The following FHIT variants were observed in gnomAD, a reference collection of about 807,000 sequenced individuals.
FHIT encodes fragile histidine triad diadenosine triphosphatase, also known as bis(5'-adenosyl)-triphosphatase.
In FHIT, 19 loss-of-function variants were observed where a neutral mutation model predicts 17.9. That is an observed-to-expected ratio of 1.06 (90% CI 0.74 to 1.56). The LOEUF (loss-of-function observed/expected upper bound fraction) is 1.56. Among genes scored for constraint, FHIT ranks in the 40% most tolerant of loss-of-function variants. The pLI, the probability that FHIT is intolerant of heterozygous loss-of-function variation, is 0.00. For synonymous variants in FHIT, 81 were observed against 69.7 expected (o/e 1.16, Z -0.81); for missense variants, 248 against 189.2 (o/e 1.31, Z -1.82).
At chr3:60,613,406 G>C (rs1300485288) in intron 4 of FHIT, among the ~76,000 whole-genome samples, 3 of 152,160 alleles carry the variant, frequency 2.0e-5, no homozygotes, top group African/African-American at 7.2e-5. Flanking sequence ...GAGTAAGGTA[G>C]ACAAAAGGAT....
chr3:59,963,289 A>AATG (rs1379377485), intron 7 of FHIT, among the ~76,000 whole-genome samples: 1 of 149,164 alleles, frequency 6.7e-6, no homozygotes, highest in African/African-American at 2.4e-5. Context: ...TAATAATAAT[A>AATG]ATAAAAGAAA....
intron 5 of FHIT, among the ~76,000 whole-genome samples, chr3:60,416,339 G>A (rs1409215417): frequency 6.6e-6 from 1 of 152,144 alleles, no homozygotes; most frequent in East Asian, 1.9e-4. Context: ...TGTTTTAAAT[G>A]CTGTGATACA....
chr3:60,295,170 A>G (rs1392067655), intron 5 of FHIT, among the ~76,000 whole-genome samples: 1 of 152,074 alleles, frequency 6.6e-6, no homozygotes, highest in Admixed American at 6.6e-5. Context: ...AGATCTGTTG[A>G]GCCCAGGAGT....
chr3:60,610,560 C>G (rs1405341296), intron 4 of FHIT, among the ~76,000 whole-genome samples: 5 of 152,142 alleles, frequency 3.3e-5, no homozygotes, highest in African/African-American at 1.2e-4. Context: ...ATTTGAACAA[C>G]TTGACCTTAT....
intron 4 of FHIT, among the ~76,000 whole-genome samples, chr3:60,718,963 A>G (rs1553707431): frequency 1.3e-5 from 2 of 152,182 alleles, no homozygotes; most frequent in African/African-American, 2.4e-5. Flanking sequence ...CACCCAGGGA[A>G]ATATTGATAC....
intron 4 of FHIT, among the ~76,000 whole-genome samples, chr3:60,640,183 A>C (rs1553684980): frequency 2.0e-5 from 3 of 152,190 alleles, no homozygotes; most frequent in African/African-American, 7.2e-5. Flanking sequence ...GGGGTGGCAG[A>C]AATGTTCTGC....
chr3:60,995,605 G>C (rs1328736204), intron 3 of FHIT, among the ~76,000 whole-genome samples: 2 of 152,250 alleles, frequency 1.3e-5, no homozygotes, highest in East Asian at 3.9e-4. Context: ...GTTTCAAAGA[G>C]AGCTGCAAAA....
intron 4 of FHIT, among the ~76,000 whole-genome samples, chr3:60,754,615 G>A (rs1559696530): frequency 6.6e-6 from 1 of 152,042 alleles, no homozygotes; most frequent in African/African-American, 2.4e-5. Flanking sequence ...TGGGTGAGAA[G>A]AGTGAAACTC....
intron 5 of FHIT, among the ~76,000 whole-genome samples, chr3:60,173,669 G>A (rs1055936182): frequency 1.3e-5 from 2 of 151,518 alleles, no homozygotes; most frequent in African/African-American, 4.8e-5. Context: ...TGTTTCCGGG[G>A]CTGCAGAATT....
At chr3:59,783,220 C>T (rs1026125384) in intron 8 of FHIT, among the ~76,000 whole-genome samples, 3 of 152,186 alleles carry the variant, frequency 2.0e-5, no homozygotes, top group Admixed American at 1.3e-4. Context: ...CCTGTAATCC[C>T]AGCACTTTGG....
intron 3 of FHIT, among the ~76,000 whole-genome samples, chr3:61,003,278 T>C (rs997015697): frequency 6.6e-6 from 1 of 152,204 alleles, no homozygotes; most frequent in African/African-American, 2.4e-5. Flanking sequence ...AAGCCATCTA[T>C]CTAAAGGGGC....
At chr3:60,068,527 C>T (rs935213542) in intron 5 of FHIT, among the ~76,000 whole-genome samples, 12 of 152,166 alleles carry the variant, frequency 7.9e-5, no homozygotes, top group African/African-American at 2.9e-4. Context: ...TTACTAGGAC[C>T]ATGATACAAA....
chr3:59,979,625 C>A (rs867372426), intron 7 of FHIT, among the ~76,000 whole-genome samples: 1 of 152,034 alleles, frequency 6.6e-6, no homozygotes, highest in African/African-American at 2.4e-5. Flanking sequence ...CCATTTAGAA[C>A]GTGTACGCTG....
chr3:59,869,180 G>C (rs1393665847), intron 8 of FHIT, among the ~76,000 whole-genome samples: 2 of 152,086 alleles, frequency 1.3e-5, no homozygotes, highest in Non-Finnish European at 2.9e-5. Flanking sequence ...ATGAAACTAC[G>C]GCTCCTCTTT....
chr3:61,120,983 G>A (rs1199495923), intron 2 of FHIT, among the ~76,000 whole-genome samples: 1 of 151,662 alleles, frequency 6.6e-6, no homozygotes, highest in Non-Finnish European at 1.5e-5. Flanking sequence ...TCAAGCAGAA[G>A]AAAGGGTATC....
At chr3:60,001,093 C>T (rs1364955868) in intron 7 of FHIT, among the ~76,000 whole-genome samples, 2 of 152,164 alleles carry the variant, frequency 1.3e-5, no homozygotes, top group Admixed American at 6.6e-5. Context: ...CATGTCATTC[C>T]ATTTCATAAC....
chr3:59,932,147 C>T (rs747006664), intron 7 of FHIT, among the ~76,000 whole-genome samples: 1 of 152,146 alleles, frequency 6.6e-6, no homozygotes, highest in Non-Finnish European at 1.5e-5. Context: ...TCAATGCATC[C>T]ATTTTGCCAA....
chr3:60,299,612 T>C (rs1159413403), intron 5 of FHIT, among the ~76,000 whole-genome samples: 1 of 152,060 alleles, frequency 6.6e-6, no homozygotes, highest in African/African-American at 2.4e-5. Flanking sequence ...ATAATGCCTC[T>C]TCTGGTATCA....
At chr3:60,087,125 G>A (rs1210476476) in intron 5 of FHIT, among the ~76,000 whole-genome samples, 1 of 152,242 alleles carries the variant, frequency 6.6e-6, no homozygotes, top group African/African-American at 2.4e-5. Context: ...CAGAGAAGGA[G>A]CCTGAGCTAT....
Sources: gnomAD v4.1 joint callset for allele counts (sites outside exome capture counted in the v4.1 genomes callset) on GRCh38, gnomAD v4.1.1 for gene constraint, MANE v1.5 for transcripts, NCBI Gene and HGNC (gene_info 2026-07-23, HGNC 2026-07-21) for gene names.